The following EMC2 variants were observed in gnomAD, a reference collection of about 807,000 sequenced individuals.
EMC2 encodes TPR repeat protein 35.
Under a neutral mutation model 51.6 loss-of-function variants are expected in EMC2, and 37 were observed. The ratio of observed to expected loss-of-function variants is 0.72; its 90% confidence interval spans 0.55 to 0.94. The LOEUF is 0.94. Among genes scored for constraint, EMC2 ranks in the 40% least tolerant of loss-of-function variants. The pLI is 0.00. For synonymous variants in EMC2, 131 were observed against 112.4 expected (o/e 1.17, Z -1.04); for missense variants, 359 against 350.9 (o/e 1.02, Z -0.18).
At position 108,482,061 on chromosome 8, in the gene EMC2, A is replaced by G. The variant is rs540493056; in HGVS notation, c.807+2951A>G. 7.9e-5 allele frequency among the ~76,000 whole-genome samples: 12 copies of G among 152,296 alleles called. No homozygotes were observed. In the South Asian group the frequency reaches 2.5e-3, roughly 32 times the overall value. ...AGTGAAAATATGGGTCATAGAATGTATGTATATTTAACTTTAGTAGTTAAA... is the reference window on the plus strand; with the variant it reads ...AGTGAAAATATGGGTCATAGAATGTGTGTATATTTAACTTTAGTAGTTAAA... On this transcript the variant is annotated intron_variant, in intron 10 of 10. Transcript: ENST00000220853.
At chr8:108,468,811 C>T (rs898524230) in intron 5 of EMC2, among the ~76,000 whole-genome samples, 9 of 152,180 alleles carry the variant, frequency 5.9e-5, no homozygotes, top group East Asian at 1.9e-4. Flanking sequence ...ATAGAGAGGA[C>T]GTAAATTTAA....
chr8:108,472,397 C>T (rs944939658), intron 7 of EMC2, among the ~76,000 whole-genome samples: 2 of 150,768 alleles, frequency 1.3e-5, no homozygotes, highest in African/African-American at 4.9e-5. Context: ...TGAGAAATCT[C>T]AAAAAATGAA....
At chr8:108,457,503 GGA>G (rs1214821937) in intron 5 of EMC2, among the ~76,000 whole-genome samples, 1 of 152,018 alleles carries the variant, frequency 6.6e-6, no homozygotes, top group Admixed American at 6.6e-5. Flanking sequence ...TCATGGCTGG[GGA>G]GGCCTCACAA....
intron 1 of EMC2, among the ~76,000 whole-genome samples, chr8:108,444,201 A>C (rs1196925857): frequency 6.6e-6 from 1 of 152,082 alleles, no homozygotes; most frequent in Non-Finnish European, 1.5e-5. Context: ...TTCTTCTTAA[A>C]CCCGGGTTTC....
chr8:108,486,425 A>G (rs2130425610), intron 10 of EMC2, 87 bp from the exon 11 acceptor site: 2 of 1,421,904 alleles, frequency 1.4e-6, no homozygotes, highest in Middle Eastern at 2.4e-4. Context: ...GTCAATGTTA[A>G]GTTTCATTAA....
At chr8:108,458,879 A>G (rs1262130877) in intron 5 of EMC2, among the ~76,000 whole-genome samples, 1 of 152,172 alleles carries the variant, frequency 6.6e-6, no homozygotes, top group African/African-American at 2.4e-5. Flanking sequence ...TTGCATTGTC[A>G]GGCTGCAAAT....
At chr8:108,472,067 T>A (rs551563686) in intron 7 of EMC2, among the ~76,000 whole-genome samples, 2 of 152,178 alleles carry the variant, frequency 1.3e-5, no homozygotes, top group African/African-American at 4.8e-5. Context: ...ATATGCTTTT[T>A]AAATACTGAC....
chr8:108,469,694 C>T (rs1810812161), intron 5 of EMC2, 132 bp from the exon 6 acceptor site: 2 of 665,758 alleles, frequency 3.0e-6, no homozygotes, highest in Admixed American at 5.5e-5. Context: ...TGTTTATAAA[C>T]TCCCACTAAG....
intron 5 of EMC2, among the ~76,000 whole-genome samples, chr8:108,465,553 T>C (rs752110800): frequency 3.9e-5 from 6 of 152,242 alleles, no homozygotes; most frequent in Non-Finnish European, 8.8e-5. Flanking sequence ...TGATTTACTT[T>C]TGAATAATGG....
chr8:108,452,043 C>T (rs1819036729), intron 3 of EMC2, among the ~76,000 whole-genome samples: 1 of 152,188 alleles, frequency 6.6e-6, no homozygotes, highest in Non-Finnish European at 1.5e-5. Context: ...TTTGGTCACA[C>T]ATGCATTAAT....
Position 108,449,861 on chromosome 8 carries a change from T to C in EMC2, c.79T>C (p.Ser27Pro). 2 of 1,590,980 alleles carry C rather than the reference T, an allele frequency of 1.3e-6. No homozygotes were observed. The highest frequency in any genetic ancestry group is 2.2e-5 in the South Asian group (2 of 90,022). Residue 27 changes from serine to proline, a missense_variant, in exon 2 of 11, where the codon TCA becomes CCA. Physicochemically the swap from Ser to Pro is moderately conservative, Grantham distance 74. Transcript: ENST00000220853. ...DKMRKWREEN[S>P]RNSEQIVEVG... ...AATGAGAAAATGGAGAGAAGAAAAC[T>C]CAAGAAATAGTGAGCAAATTGTGGA...
chr8:108,461,787 G>A lies in EMC2; in HGVS notation c.363+5857G>A, dbSNP rs185961164. ...GATATGGTAAAAAAAAAATAAGTCT[G>A]TTCCTCTATCCCTGAGCTCAGGTCC... On this transcript the variant is annotated intron_variant, in intron 5 of 10. Transcript: ENST00000220853. Among the ~76,000 whole-genome samples, 8 of 152,114 alleles carry A rather than the reference G, an allele frequency of 5.3e-5. No individual in the cohort carries two copies. The East Asian group carries it at 1.5e-3, about 29-fold the overall frequency.
chr8:108,455,983 AATT>A (rs1233309035), intron 5 of EMC2, 53 bp downstream of exon 5: 1 of 745,848 alleles, frequency 1.3e-6, no homozygotes, highest in South Asian at 2.3e-5. Context: ...TAAAAGATAA[AATT>A]AATCGAGGAA....
rs1205988377 is a variant in EMC2, at chr8:108,487,496, G to T, written c.*898G>T. On this transcript the variant is annotated 3_prime_UTR_variant, in exon 11 of 11. Coordinates refer to ENST00000220853, the MANE Select transcript of EMC2 (RefSeq NM_014673.5). Reference sequence around the variant, plus strand: ...TCTTTTCATAATAAACAACCATTATGCTACCTTCAACAGTATTTGACATGT... The same window carrying T: ...TCTTTTCATAATAAACAACCATTATTCTACCTTCAACAGTATTTGACATGT... Among the ~76,000 whole-genome samples, 1 of 151,740 alleles carries T rather than the reference G, an allele frequency of 6.6e-6. No homozygotes were observed. Among genetic ancestry groups the T allele is most frequent in the Non-Finnish European group, 1.5e-5 (1 of 67,916 alleles).
chr8:108,461,006 G>GGAGAAAAC, intron 5 of EMC2, among the ~76,000 whole-genome samples: 1 of 152,258 alleles, frequency 6.6e-6, no homozygotes, highest in East Asian at 1.9e-4. Context: ...AGACATTGAA[G>GGAGAAAAC]GAGAAAACAT....
chr8:108,479,882 C>A (rs1811016443), intron 10 of EMC2, among the ~76,000 whole-genome samples: 1 of 152,092 alleles, frequency 6.6e-6, no homozygotes, highest in Non-Finnish European at 1.5e-5. Context: ...CAGGTGCAGG[C>A]ATCACCATGC....
chr8:108,448,890 A>G (rs1046462606), intron 1 of EMC2, among the ~76,000 whole-genome samples: 1 of 152,050 alleles, frequency 6.6e-6, no homozygotes, highest in Non-Finnish European at 1.5e-5. Flanking sequence ...TCAGACAGCC[A>G]TGATTGTGTT....
At chr8:108,450,643 C>G in intron 3 of EMC2, 151 bp downstream of exon 3, 1 of 608,804 alleles carries the variant, frequency 1.6e-6, no homozygotes, top group South Asian at 2.0e-5. Flanking sequence ...TATTTTAGGA[C>G]AAAGTATCTT....
At chr8:108,450,196 C>CT (rs1488188280) in intron 2 of EMC2, among the ~76,000 whole-genome samples, 4 of 152,124 alleles carry the variant, frequency 2.6e-5, no homozygotes, top group African/African-American at 9.7e-5. Flanking sequence ...TGTATGGACT[C>CT]TTTTAGAACA....
Sources: allele counts gnomAD v4.1 joint callset (sites outside exome capture counted in the v4.1 genomes callset), GRCh38; gene constraint gnomAD v4.1.1; transcripts MANE v1.5; gene names NCBI Gene and HGNC (gene_info 2026-07-23, HGNC 2026-07-21).